The following WDR19 variants were observed in gnomAD, a reference collection of about 807,000 sequenced individuals.
WDR19 encodes the protein WD repeat-containing protein 19.
In WDR19, 121 loss-of-function variants were observed where a neutral mutation model predicts 180.0. The observed-to-expected ratio is 0.67, with a 90% CI of 0.58 to 0.78. The LOEUF is 0.78. Ranked by LOEUF, WDR19 falls within the 30% of genes least tolerant of loss-of-function variation. The pLI is 0.00. For missense variants in WDR19, 1,450 were observed against 1,640.7 expected, an observed-to-expected ratio of 0.88 and a Z score of 2.01; for synonymous variants, 497 against 540.7, an observed-to-expected ratio of 0.92 and a Z score of 1.12.
rs1328854619 is a variant in WDR19, at chr4:39,245,371, C to G, written c.2648C>G (p.Ala883Gly). Residue 883 changes from alanine (A) to glycine (G), a missense_variant and splice_region_variant, in exon 24 of 37, where the codon GCA (alanine) becomes GGA (glycine). Physicochemically the swap from Ala to Gly is moderately conservative, Grantham distance 60 (BLOSUM62 0). Transcript: ENST00000399820. ...ASVYIRSKNW[A>G]KVGDLLPHVS... The stretch of plus-strand genomic sequence containing the variant: ...TTCTCCTGGACCTACCTTTCCAGGG[C>G]AAAAGTTGGTGATCTTCTGCCCCAC... 1 of 1,612,980 alleles carries G rather than the reference C, an allele frequency of 6.2e-7. No homozygotes were observed. Among genetic ancestry groups the G allele is most frequent in the Middle Eastern group, 1.7e-4 (1 of 6,060 alleles).
At chr4:39,219,044 C>A (rs1428509268) in intron 14 of WDR19, 3 of 152,156 alleles carry the variant, frequency 2.0e-5, no homozygotes, top group Non-Finnish European at 4.4e-5. Flanking sequence ...CCTGTGATAA[C>A]AATGCCTTCT....
At chr4:39,223,361 C>CA (rs1246992918) in intron 14 of WDR19, among the ~76,000 whole-genome samples, 3 of 152,164 alleles carry the variant, frequency 2.0e-5, no homozygotes, top group African/African-American at 7.2e-5. Context: ...GATGGAGTCT[C>CA]GCTCTGTCGC....
At chr4:39,276,056 C>T (rs780512056) in intron 33 of WDR19, among the ~76,000 whole-genome samples, 1 of 152,124 alleles carries the variant, frequency 6.6e-6, no homozygotes, top group Non-Finnish European at 1.5e-5. Context: ...ACCACTTTTT[C>T]AGAAGTGATG....
chr4:39,198,003 A>G (rs930710029), intron 5 of WDR19, among the ~76,000 whole-genome samples: 5 of 151,186 alleles, frequency 3.3e-5, no homozygotes, highest in African/African-American at 1.2e-4. Context: ...AGACTTGGCT[A>G]ATTTTTTTTC....
Position 39,228,214 on chromosome 4 carries a change from A to G in WDR19, c.1634A>G (p.Asn545Ser). 7.4e-6 allele frequency: 12 copies of G among 1,612,436 alleles called. No homozygotes were observed. Among genetic ancestry groups the G allele is most frequent in the East Asian group, 2.2e-5 (1 of 44,846 alleles). The change falls in exon 16 of 37, where the codon AAT (asparagine) becomes AGT (serine). Residue 545 changes from asparagine to serine, a missense_variant. Physicochemically the swap from Asn to Ser is conservative, Grantham distance 46. Transcript: ENST00000399820. ...KSDGFVYCPV[N>S]DATYEIPDFS... is the part of the protein sequence containing the mutation. ...TCTGTAAATTTTATTTTGTAGGTCA[A>G]TGACGCTACCTATGAGATTCCAGAT...
In WDR19 at chr4:39,268,040, C is replaced by T. The variant is rs387906981; in HGVS notation, c.3307C>T (p.Arg1103Ter). ...CTTGTACATGGCTCTGAAGCAATAC[C>T]GAGAAGCTGCCCAGACTGCCATCAT... ...FRLYMALKQY[R>*]EAAQTAIIIA... is the part of the protein sequence containing the mutation. The change falls in exon 30 of 37, where the codon CGA (arginine) becomes TGA (stop). Residue 1103 changes from arginine to a stop codon, truncating the protein, a stop_gained. Coordinates refer to ENST00000399820, the MANE Select transcript of WDR19 (RefSeq NM_025132.4). LOFTEE classifies it high-confidence loss of function. 3.7e-6 allele frequency: 6 copies of T among 1,604,938 alleles called. No individual in the cohort carries two copies. Among genetic ancestry groups the T allele is most frequent in the Non-Finnish European group, 3.4e-6 (4 of 1,175,628 alleles).
intron 8 of WDR19, 47 bp downstream of exon 8, chr4:39,205,313 A>C: frequency 4.2e-6 from 6 of 1,436,438 alleles, no homozygotes; most frequent in Non-Finnish European, 5.7e-6. Flanking sequence ...TTACAGAAGG[A>C]CATCTGTAGG....
At chr4:39,189,554 C>A in intron 3 of WDR19, 102 bp from the exon 4 acceptor site, 3 of 1,075,160 alleles carry the variant, frequency 2.8e-6, no homozygotes, top group South Asian at 2.4e-5. Context: ...AGTTTATTAT[C>A]TGTTCAAAAT....
rs34845614 is a variant in WDR19 at position 39,220,870 on chromosome 4, ATTTTT to A, written c.1479+2786_1479+2790del. On this transcript the variant is annotated intron_variant, in intron 14 of 36. Transcript: ENST00000399820. The stretch of plus-strand genomic sequence containing the variant: ...ATTTATTTTAGAAACCTGCTAATTA[ATTTTT>A]TTTTTTTTTTTTTTTTTTTTGATGG... 6.2e-3 allele frequency among the ~76,000 whole-genome samples: 378 copies of A among 60,658 alleles called. 2 individuals carry two copies. The highest frequency in any genetic ancestry group is 0.018 in the African/African-American group (283 of 15,348). The allele number at this position is 60,658 out of a possible 152,430, so 39.8% of individuals were successfully genotyped here.
chr4:39,268,003 G>C lies in WDR19; in HGVS notation c.3270G>C (p.Lys1090Asn). The C allele has an allele frequency of 6.2e-7, 1 of 1,602,388 alleles. No homozygotes were observed. The change falls in exon 30 of 37, where the codon AAG becomes AAC. Residue 1090 changes from lysine to asparagine, a missense_variant. Physicochemically the swap from Lys to Asn is moderately conservative, Grantham distance 94. Transcript: ENST00000399820. ...AATGGTTTATGTGTCAGGATGCCAA[G>C]TACCTGTTCCGCTTGTACATGGCTC... is the stretch of plus-strand genomic sequence containing the variant. Reference protein sequence around the residue: ...GENDGMPKDAKYLFRLYMALK... With the variant: ...GENDGMPKDANYLFRLYMALK...
At chr4:39,234,000 A>G (rs559011764) in intron 19 of WDR19, among the ~76,000 whole-genome samples, 15 of 152,184 alleles carry the variant, frequency 9.9e-5, no homozygotes, top group Non-Finnish European at 2.1e-4. Context: ...CAGCTCTGTC[A>G]TGTACCAGCT....
intron 33 of WDR19, 115 bp from the exon 34 acceptor site, chr4:39,276,905 C>CT: frequency 7.6e-7 from 1 of 1,309,548 alleles, no homozygotes; most frequent in Non-Finnish European, 1.1e-6. Context: ...AGCCCAGAGT[C>CT]TGACTATGAA....
At chr4:39,277,399 G>A (rs1451319413) in intron 34 of WDR19, among the ~76,000 whole-genome samples, 1 of 152,194 alleles carries the variant, frequency 6.6e-6, no homozygotes, top group African/African-American at 2.4e-5. Flanking sequence ...TCAGTCCTCT[G>A]TAGTAACACC....
intron 32 of WDR19, chr4:39,273,986 T>C (rs906999719): frequency 6.6e-6 from 1 of 152,258 alleles, no homozygotes; most frequent in Non-Finnish European, 1.5e-5. Flanking sequence ...CTGTCACAAC[T>C]GCTCAACTCT....
At chr4:39,248,642 A>G (rs933535100) in intron 24 of WDR19, among the ~76,000 whole-genome samples, 4 of 152,200 alleles carry the variant, frequency 2.6e-5, no homozygotes, top group African/African-American at 7.2e-5. Context: ...GGCTCAAAAT[A>G]AAGGGATGGA....
In WDR19 at chr4:39,217,209, C is replaced by T. The variant is rs200452234; in HGVS notation, c.1325C>T (p.Ala442Val). 3.1e-6 allele frequency: 5 copies of T among 1,605,790 alleles called. No individual in the cohort carries two copies. The Admixed American group carries it at 6.8e-5, about 22-fold the overall frequency. ...SICLHSDYAAALFEGKVQLHL... is the reference protein window; with the variant it reads ...SICLHSDYAAVLFEGKVQLHL... ...TGCCTTCATTCTGACTATGCTGCTG[C>T]ACTTTTTGAAGGCAAAGTCCAGTTA... The change falls in exon 13 of 37, where the codon GCA (alanine) becomes GTA (valine). Residue 442 changes from alanine to valine, a missense_variant. Coordinates refer to ENST00000399820, the MANE Select transcript of WDR19 (RefSeq NM_025132.4).
At chr4:39,186,728 T>G in intron 3 of WDR19, 124 bp downstream of exon 3, 1 of 644,410 alleles carries the variant, frequency 1.6e-6, no homozygotes. Flanking sequence ...AAGGGATTTG[T>G]TTTTTTAGCC....
At chr4:39,255,771 A>C in intron 26 of WDR19, 77 bp from the exon 27 acceptor site, 2 of 690,030 alleles carry the variant, frequency 2.9e-6, no homozygotes, top group Non-Finnish European at 4.6e-6. Context: ...ACCTATTTTT[A>C]GATTTTATTT....
At chr4:39,278,702 G>A (rs1244005950) in intron 36 of WDR19, 39 bp downstream of exon 36, 1 of 1,295,242 alleles carries the variant, frequency 7.7e-7, no homozygotes, top group Non-Finnish European at 1.1e-6. Context: ...TGGGCGCAAG[G>A]GCCCACAGCG....
Sources: allele counts gnomAD v4.1 joint callset (sites outside exome capture counted in the v4.1 genomes callset), GRCh38; gene constraint gnomAD v4.1.1; transcripts MANE v1.5; gene names NCBI Gene and HGNC (gene_info 2026-07-23, HGNC 2026-07-21).